DMD: variants seen among roughly 807,000 people sequenced by gnomAD.
The protein encoded by DMD is mutant dystrophin.
A neutral mutation model predicts 330.1 loss-of-function variants in DMD; 63 were observed. The observed-to-expected ratio is 0.19, with a 90% confidence interval of 0.16 to 0.24. DMD has a LOEUF of 0.24. Among genes scored for constraint, DMD ranks in the 10% least tolerant of loss-of-function variants. The pLI, the probability that DMD is intolerant of heterozygous loss-of-function variation, is 1.00. For missense variants in DMD, 3,344 were observed against 2,684.1 expected (o/e 1.25, Z -5.43); for synonymous variants, 1,223 against 959.8 (o/e 1.27, Z -5.07).
chrX:32,354,579 T>A, intron 37 of DMD, among the ~76,000 whole-genome samples: 1 of 111,928 alleles, frequency 8.9e-6, no homozygotes, highest in Non-Finnish European at 1.9e-5. Context: ...TCTATTATTT[T>A]AAAATTATTA....
At chrX:31,411,106 G>A (rs1156900701) in intron 60 of DMD, among the ~76,000 whole-genome samples, 1 of 110,595 alleles carries the variant, frequency 9.0e-6, no homozygotes, top group Non-Finnish European at 1.9e-5. Context: ...TACTTTAAAT[G>A]CAAAGTGAGA....
At chrX:33,259,313 A>G (rs969010014) in intron 1 of DMD, among the ~76,000 whole-genome samples, 5 of 110,005 alleles carry the variant, frequency 4.5e-5, no homozygotes, top group African/African-American at 1.3e-4. Context: ...TGATGAGCCT[A>G]CATTGATACA....
At chrX:32,977,401 T>C (rs773547326) in intron 2 of DMD, among the ~76,000 whole-genome samples, 5 of 111,931 alleles carry the variant, frequency 4.5e-5, no homozygotes, top group African/African-American at 6.5e-5. Context: ...TCCTATGCCT[T>C]CAGATGTTTA....
chrX:33,048,853 A>C (rs2094422789), intron 1 of DMD, among the ~76,000 whole-genome samples: 1 of 110,976 alleles, frequency 9.0e-6, no homozygotes, highest in Admixed American at 9.6e-5. Context: ...CAGAGCTTGA[A>C]GGGCAGAATG....
intron 5 of DMD, among the ~76,000 whole-genome samples, chrX:32,819,650 A>G (rs2078056761): frequency 9.0e-6 from 1 of 111,187 alleles, no homozygotes; most frequent in Non-Finnish European, 1.9e-5. Flanking sequence ...CACAAGTTCA[A>G]TGAGAAGTCC....
At chrX:33,049,172 C>T (rs1482834851) in intron 1 of DMD, among the ~76,000 whole-genome samples, 7 of 111,857 alleles carry the variant, frequency 6.3e-5, no homozygotes, top group Non-Finnish European at 5.6e-5. Context: ...TTCTACAGTT[C>T]CCAAGGATTT....
chrX:31,828,666 A>T (rs1444772101), intron 49 of DMD, among the ~76,000 whole-genome samples: 1 of 41,397 alleles, frequency 2.4e-5, no homozygotes, highest in Non-Finnish European at 4.4e-5. Context: ...TCCATCTCAA[A>T]AAAAAAAAAA....
intron 60 of DMD, among the ~76,000 whole-genome samples, chrX:31,411,912 G>A (rs1267223273): frequency 1.8e-5 from 2 of 110,828 alleles, no homozygotes; most frequent in Admixed American, 1.9e-4. Flanking sequence ...GGGCGTGGTG[G>A]CTCATGCCTG....
intron 9 of DMD, among the ~76,000 whole-genome samples, chrX:32,671,931 G>A (rs1454892535): frequency 6.3e-5 from 7 of 111,053 alleles, no homozygotes; most frequent in Non-Finnish European, 5.7e-5. Flanking sequence ...TTGGTTTATT[G>A]TTTCTCTGAA....
At chrX:31,603,382 G>C (rs942450078) in intron 55 of DMD, among the ~76,000 whole-genome samples, 1 of 111,173 alleles carries the variant, frequency 9.0e-6, no homozygotes, top group Non-Finnish European at 1.9e-5. Flanking sequence ...TGTCTATCAA[G>C]CAAAAGAAAA....
rs572597281 is a variant in DMD, at chrX:32,610,361, T to C, written c.1482+3942A>G. ...TAAAGAGTTTGGCTAGATTTAATAG[T>C]AACCACCATATAGGATCAATTGCTT... is the stretch of plus-strand genomic sequence containing the variant. On this transcript the variant is annotated intron_variant, in intron 12 of 78. Coordinates refer to ENST00000357033, the MANE Select transcript of DMD (RefSeq NM_004006.3). 1.8e-4 allele frequency among the ~76,000 whole-genome samples: 20 copies of C among 111,137 alleles called. No homozygotes were observed. The South Asian group carries it at 6.0e-3, about 33-fold the overall frequency.
rs749610367 is a variant in DMD at position 32,068,374 on chromosome X, ATTTTTT to A, written c.6439-99866_6439-99861del. On this transcript the variant is annotated intron_variant, in intron 44 of 78. Transcript: ENST00000357033. ...TTATTTTAGTAAGTCCTTGCTTGTC[ATTTTTT>A]TTTTTTTTTTTTTTTTGCAATTGCT... 3.7e-3 allele frequency among the ~76,000 whole-genome samples: 236 copies of A among 64,285 alleles called. 2 individuals are homozygous for A. Among genetic ancestry groups the A allele is most frequent in the African/African-American group, 0.011 (187 of 17,574 alleles). The allele number at this position is 64,285 out of a possible 115,157, so 55.8% of individuals were successfully genotyped here.
chrX:32,375,031 C>T (rs1055676079), intron 34 of DMD, among the ~76,000 whole-genome samples: 1 of 111,370 alleles, frequency 9.0e-6, no homozygotes, highest in Non-Finnish European at 1.9e-5. Flanking sequence ...TCTCTAATAA[C>T]GATTCTCTCT....
chrX:32,244,645 T>C (rs1284294079), intron 43 of DMD, among the ~76,000 whole-genome samples: 2 of 91,514 alleles, frequency 2.2e-5, no homozygotes, highest in Non-Finnish European at 4.3e-5. Flanking sequence ...TTTTGAATGA[T>C]TGCCATTCTA....
At chrX:32,530,708 T>TA (rs760681720) in intron 17 of DMD, among the ~76,000 whole-genome samples, 97 of 112,025 alleles carry the variant, frequency 8.7e-4, no homozygotes, top group African/African-American at 3.0e-3. Flanking sequence ...GGATGGGAAA[T>TA]AAAATGCTGC....
intron 2 of DMD, among the ~76,000 whole-genome samples, chrX:33,008,951 C>T (rs1206470488): frequency 2.9e-4 from 24 of 82,648 alleles, no homozygotes; most frequent in African/African-American, 1.0e-3. Flanking sequence ...CGTATATATA[C>T]GTATATATAC....
intron 56 of DMD, among the ~76,000 whole-genome samples, chrX:31,497,169 T>C (rs1368645113): frequency 2.7e-5 from 3 of 112,443 alleles, no homozygotes; most frequent in Non-Finnish European, 5.6e-5. Flanking sequence ...TGCAGAATGC[T>C]GAGACTTTTG....
chrX:32,105,927 G>A (rs1025195450), intron 44 of DMD, among the ~76,000 whole-genome samples: 46 of 111,595 alleles, frequency 4.1e-4, no homozygotes, highest in African/African-American at 1.4e-3. Flanking sequence ...AAAGTTCTGC[G>A]GCAAAGTGGC....
intron 2 of DMD, among the ~76,000 whole-genome samples, chrX:33,010,274 A>C (rs1056765189): frequency 1.5e-4 from 16 of 108,392 alleles, no homozygotes; most frequent in Non-Finnish European, 1.7e-4. Context: ...ATGTGTGTAT[A>C]TGTACATATA....
Sources: allele counts gnomAD v4.1 joint callset (sites outside exome capture counted in the v4.1 genomes callset), GRCh38; gene constraint gnomAD v4.1.1; transcripts MANE v1.5; gene names NCBI Gene and HGNC (gene_info 2026-07-23, HGNC 2026-07-21).